SDK1: variants seen among roughly 807,000 people sequenced by gnomAD.
SDK1 encodes protein sidekick-1.
A neutral mutation model predicts 245.5 loss-of-function variants in SDK1; 157 were observed. The observed-to-expected ratio is 0.64, with a 90% CI of 0.56 to 0.73. The LOEUF is 0.73. Among genes scored for constraint, SDK1 ranks in the 30% least tolerant of loss-of-function variants. SDK1 has a pLI of 0.00. For synonymous variants in SDK1, 1,647 were observed against 1,278.5 expected (o/e 1.29, Z -6.15); for missense variants, 3,583 against 3,002.3 (o/e 1.19, Z -4.52).
At chr7:4,100,984 A>G (rs1450624554) in intron 22 of SDK1, among the ~76,000 whole-genome samples, 1 of 152,120 alleles carries the variant, frequency 6.6e-6, no homozygotes. Flanking sequence ...AGGGTGCGTG[A>G]CGGGGGAAGG....
At chr7:3,323,444 G>A (rs976651143) in intron 1 of SDK1, among the ~76,000 whole-genome samples, 1 of 152,202 alleles carries the variant, frequency 6.6e-6, no homozygotes, top group East Asian at 1.9e-4. Context: ...TGGGCCATAA[G>A]ATGTGTAGAG....
intron 1 of SDK1, among the ~76,000 whole-genome samples, chr7:3,529,207 G>A (rs1583128211): frequency 6.6e-6 from 1 of 152,240 alleles, no homozygotes; most frequent in South Asian, 2.1e-4. Context: ...TGATAATATA[G>A]AGACACACTC....
chr7:3,694,446 G>A (rs1784518231), intron 4 of SDK1, among the ~76,000 whole-genome samples: 1 of 152,196 alleles, frequency 6.6e-6, no homozygotes, highest in African/African-American at 2.4e-5. Flanking sequence ...TAGCAGCCAA[G>A]TTGTAGTGGA....
intron 22 of SDK1, among the ~76,000 whole-genome samples, chr7:4,106,238 C>T (rs951872998): frequency 6.6e-6 from 1 of 152,098 alleles, no homozygotes; most frequent in Non-Finnish European, 1.5e-5. Flanking sequence ...CTCAGGCTCT[C>T]CTGGTGGGAA....
At chr7:3,475,396 C>A (rs577472095) in intron 1 of SDK1, among the ~76,000 whole-genome samples, 1 of 152,202 alleles carries the variant, frequency 6.6e-6, no homozygotes, top group Non-Finnish European at 1.5e-5. Flanking sequence ...CCTTTGAGCC[C>A]CCTCGGGTGT....
At chr7:4,180,656 A>C (rs903315376) in intron 35 of SDK1, among the ~76,000 whole-genome samples, 2 of 152,230 alleles carry the variant, frequency 1.3e-5, no homozygotes, top group East Asian at 3.8e-4. Flanking sequence ...TTGGCTCACA[A>C]TTCTGCAGGC....
At chr7:4,187,468 G>A (rs566842963) in intron 35 of SDK1, among the ~76,000 whole-genome samples, 10 of 152,216 alleles carry the variant, frequency 6.6e-5, no homozygotes, top group Non-Finnish European at 1.3e-4. Flanking sequence ...CCCTGCAGCG[G>A]TGACCAGATA....
At chr7:4,204,200 G>A (rs572938983) in intron 35 of SDK1, among the ~76,000 whole-genome samples, 1 of 152,384 alleles carries the variant, frequency 6.6e-6, no homozygotes, top group South Asian at 2.1e-4. Context: ...TTGCAATGGA[G>A]TTGCCGATGG....
intron 4 of SDK1, among the ~76,000 whole-genome samples, chr7:3,692,339 T>G (rs1784459551): frequency 6.6e-6 from 1 of 152,080 alleles, no homozygotes; most frequent in South Asian, 2.1e-4. Flanking sequence ...TGCACTTTTC[T>G]TTAGTGTGTA....
intron 1 of SDK1, among the ~76,000 whole-genome samples, chr7:3,485,383 A>G (rs1016397629): frequency 6.6e-6 from 1 of 152,152 alleles, no homozygotes; most frequent in Non-Finnish European, 1.5e-5. Flanking sequence ...GTTTGAGTTC[A>G]GTGCTGGGTT....
At chr7:3,462,933 A>C (rs1450935674) in intron 1 of SDK1, among the ~76,000 whole-genome samples, 1 of 152,154 alleles carries the variant, frequency 6.6e-6, no homozygotes, top group Non-Finnish European at 1.5e-5. Flanking sequence ...TGCTGTAAGG[A>C]TAAAGACCAC....
At chr7:3,417,999 G>A (rs1174497540) in intron 1 of SDK1, among the ~76,000 whole-genome samples, 1 of 151,984 alleles carries the variant, frequency 6.6e-6, no homozygotes, top group South Asian at 2.1e-4. Flanking sequence ...TCTACTGAGA[G>A]CAACTTTTCT....
intron 4 of SDK1, among the ~76,000 whole-genome samples, chr7:3,772,584 C>A (rs1255778871): frequency 6.6e-6 from 1 of 152,110 alleles, no homozygotes; most frequent in Non-Finnish European, 1.5e-5. Flanking sequence ...CATCTTAAAT[C>A]ATATAGAAAA....
chr7:4,091,101 A>G (rs927657345), intron 22 of SDK1, among the ~76,000 whole-genome samples: 1 of 152,164 alleles, frequency 6.6e-6, no homozygotes, highest in South Asian at 2.1e-4. Flanking sequence ...AAATTTTTGC[A>G]TATAAACTGA....
chr7:3,891,292 G>A lies in SDK1; in HGVS notation c.848-59631G>A, dbSNP rs376838691. On this transcript the variant is annotated intron_variant, in intron 5 of 44. Transcript: ENST00000404826. ...GCTCCCGGGGAGGACTTTCCAGGCCGTGGTTTTCGTGGCTCTGAATCTGCC... is the reference window on the plus strand; with the variant it reads ...GCTCCCGGGGAGGACTTTCCAGGCCATGGTTTTCGTGGCTCTGAATCTGCC... Among the ~76,000 whole-genome samples the A allele has an allele frequency of 7.2e-5, 11 of 152,232 alleles. No homozygotes were observed. In the South Asian group the frequency reaches 1.0e-3, roughly 14 times the overall value.
chr7:4,170,982 C>T (rs1781805841), intron 32 of SDK1, among the ~76,000 whole-genome samples: 2 of 152,242 alleles, frequency 1.3e-5, no homozygotes, highest in Non-Finnish European at 2.9e-5. Context: ...ACCTGTTCCC[C>T]TATCCAGCCT....
chr7:4,097,177 C>T (rs1420562885), intron 22 of SDK1, among the ~76,000 whole-genome samples: 2 of 151,128 alleles, frequency 1.3e-5, no homozygotes. Flanking sequence ...TCCTGCCCCA[C>T]CCCACCTCGC....
chr7:4,044,254 G>A (rs901107512), intron 17 of SDK1, among the ~76,000 whole-genome samples: 5 of 152,136 alleles, frequency 3.3e-5, no homozygotes, highest in East Asian at 1.9e-4. Context: ...CCCTGGCCTC[G>A]CCAGCCTGCA....
rs762952392 is a variant in SDK1, at chr7:4,113,349, C to T, written c.3495C>T (p.Val1165=). 15 of 1,613,880 alleles carry T rather than the reference C, an allele frequency of 9.3e-6. No individual in the cohort carries two copies. Among genetic ancestry groups the T allele is most frequent in the Middle Eastern group, 3.3e-4 (2 of 6,084 alleles). Residue 1165 remains valine (V), a synonymous_variant, in exon 24 of 45, where the codon GTC becomes GTT. Coordinates refer to ENST00000404826, the MANE Select transcript of SDK1 (RefSeq NM_152744.4). ...GCCCCTACAGTCCGTCTTCCCGGGT[C>T]ATCCAGACCCTGCAGGCCCCACCCG... ...GPSPYSPSSR[V]IQTLQAPPDV...
Sources: gnomAD v4.1 joint callset for allele counts (sites outside exome capture counted in the v4.1 genomes callset) on GRCh38, gnomAD v4.1.1 for gene constraint, MANE v1.5 for transcripts, NCBI Gene and HGNC (gene_info 2026-07-23, HGNC 2026-07-21) for gene names.